The following PDE4D variants were observed in gnomAD, a reference collection of about 807,000 sequenced individuals.
PDE4D encodes 3',5'-cyclic-AMP phosphodiesterase 4D.
Under a neutral mutation model 87.4 loss-of-function variants are expected in PDE4D, and 24 were observed. That is an observed-to-expected ratio of 0.27 (90% confidence interval 0.20 to 0.39). The LOEUF is 0.39. PDE4D is among the 10% of genes least tolerant of loss of function. The probability of loss-of-function intolerance (pLI) is 1.00; values close to 1 mark genes in which losing one functional copy is unlikely to be tolerated. For synonymous variants in PDE4D, 384 were observed against 383.2 expected (o/e 1.00, Z -0.02); for missense variants, 714 against 1,041.0 (o/e 0.69, Z 4.32).
intron 1 of PDE4D, among the ~76,000 whole-genome samples, chr5:59,824,063 A>G (rs2898247): frequency 6.6e-6 from 1 of 150,780 alleles, no homozygotes; most frequent in African/African-American, 2.4e-5. Flanking sequence ...TCATTTTTTG[A>G]CTCTTCTTTC....
intron 1 of PDE4D, among the ~76,000 whole-genome samples, chr5:59,506,200 TA>T (rs1335026289): frequency 1.3e-5 from 2 of 152,010 alleles, no homozygotes; most frequent in Non-Finnish European, 2.9e-5. Context: ...ACAAGTAAGG[TA>T]AGTATTTTAA....
intron 3 of PDE4D, among the ~76,000 whole-genome samples, chr5:59,948,396 A>G (rs922691275): frequency 6.6e-6 from 1 of 152,218 alleles, no homozygotes; most frequent in African/African-American, 2.4e-5. Flanking sequence ...TTTTCTTCAT[A>G]CTGCAGAAAT....
intron 1 of PDE4D, among the ~76,000 whole-genome samples, chr5:59,630,216 A>G (rs1207925308): frequency 6.6e-6 from 1 of 152,228 alleles, no homozygotes; most frequent in Non-Finnish European, 1.5e-5. Context: ...AGTCTATTTT[A>G]TAGCTTACAT....
At chr5:59,540,242 CTCTT>C (rs1285922039) in intron 1 of PDE4D, among the ~76,000 whole-genome samples, 2 of 152,096 alleles carry the variant, frequency 1.3e-5, no homozygotes, top group Non-Finnish European at 2.9e-5. Context: ...TCCTCTTGCT[CTCTT>C]TCTTTCATTT....
At chr5:59,653,213 T>TTTTTG (rs752885033) in intron 1 of PDE4D, among the ~76,000 whole-genome samples, 2,368 of 147,906 alleles carry the variant, frequency 0.016, 69 homozygotes, top group African/African-American at 0.056. Flanking sequence ...AAAAAATTTT[T>TTTTTG]TTTTTTTTTT....
chr5:58,975,739 C>T lies in PDE4D; in HGVS notation c.1931G>A (p.Arg644His), dbSNP rs753680481. 69 of 1,613,074 alleles carry T rather than the reference C, an allele frequency of 4.3e-5. No individual in the cohort carries two copies. Among genetic ancestry groups the T allele is most frequent in the Non-Finnish European group, 5.3e-5 (62 of 1,179,460 alleles). ...WTDRIMEEFF[R>H]QGDRERERGM... Reference sequence around the variant, plus strand: ...ACGTTCCCTCTCTCGGTCTCCTTGGCGGAAGAACTCCTCCATTATCCGGTC... The same window carrying T: ...ACGTTCCCTCTCTCGGTCTCCTTGGTGGAAGAACTCCTCCATTATCCGGTC... The change falls in exon 14 of 15, where the codon CGC becomes CAC. Residue 644 changes from arginine (R) to histidine (H), a missense_variant. Physicochemically the swap from Arg to His is conservative, Grantham distance 29. This residue lies in a region of PDE4D where 97 missense variants were observed against 176.9 expected (regional missense o/e 0.55). Coordinates refer to ENST00000340635, the MANE Select transcript of PDE4D (RefSeq NM_001104631.2). This position sits in a 1 kb window ranked among gnomAD's most constrained non-coding sequence, Gnocchi z 4.2.
At chr5:59,039,062 C>A in intron 5 of PDE4D, 91 bp from the exon 6 acceptor site, 1 of 1,504,932 alleles carries the variant, frequency 6.6e-7, no homozygotes, top group Non-Finnish European at 8.9e-7. Context: ...CCATACCCCG[C>A]CATGCTCGGA....
At chr5:59,463,413 C>A (rs761499854) in intron 1 of PDE4D, among the ~76,000 whole-genome samples, 6 of 152,010 alleles carry the variant, frequency 3.9e-5, no homozygotes, top group African/African-American at 1.2e-4. Context: ...TTCTTACCAG[C>A]GAAAGAAAAT....
intron 1 of PDE4D, among the ~76,000 whole-genome samples, chr5:59,259,970 TA>T (rs1761694312): frequency 6.6e-6 from 1 of 151,880 alleles, no homozygotes; most frequent in African/African-American, 2.4e-5. Flanking sequence ...TCCATGAATT[TA>T]ACATTTTTTT....
intron 5 of PDE4D, among the ~76,000 whole-genome samples, chr5:59,064,721 A>G (rs1189680858): frequency 6.6e-6 from 1 of 152,156 alleles, no homozygotes; most frequent in African/African-American, 2.4e-5. Flanking sequence ...ATGTATTTAG[A>G]GTATCAGTAA....
At chr5:59,589,517 G>C (rs141074739) in intron 1 of PDE4D, among the ~76,000 whole-genome samples, 64 of 152,298 alleles carry the variant, frequency 4.2e-4, no homozygotes, top group Non-Finnish European at 7.8e-4. Flanking sequence ...TTATACAAGA[G>C]AGTAGGTCTC....
intron 5 of PDE4D, among the ~76,000 whole-genome samples, chr5:59,168,283 C>A (rs1782201267): frequency 6.6e-6 from 1 of 152,262 alleles, no homozygotes; most frequent in East Asian, 1.9e-4. Flanking sequence ...TTGGGGCCTG[C>A]CCTTTCAGGC....
chr5:59,079,179 G>A (rs550284050), intron 5 of PDE4D, among the ~76,000 whole-genome samples: 21 of 152,184 alleles, frequency 1.4e-4, no homozygotes, highest in African/African-American at 4.8e-4. Flanking sequence ...TTTCAAGAAA[G>A]ACAGCAAGAC....
At chr5:60,030,823 A>G (rs913374713) in intron 2 of PDE4D, 3 of 152,190 alleles carry the variant, frequency 2.0e-5, no homozygotes, top group Admixed American at 1.3e-4. Context: ...ACAGTGGCCT[A>G]TTAATTTTTG....
At chr5:60,263,281 A>G (rs1167473521) in intron 1 of PDE4D, among the ~76,000 whole-genome samples, 1 of 152,184 alleles carries the variant, frequency 6.6e-6, no homozygotes, top group Non-Finnish European at 1.5e-5. Flanking sequence ...GGAAACTAAG[A>G]CATTTTAAAA....
At chr5:59,821,857 C>T (rs1347301868) in intron 1 of PDE4D, among the ~76,000 whole-genome samples, 2 of 152,176 alleles carry the variant, frequency 1.3e-5, no homozygotes, top group African/African-American at 4.8e-5. Context: ...TAACCATAGG[C>T]TCTTACAAGC....
chr5:59,575,303 G>A (rs1249363796), intron 1 of PDE4D, among the ~76,000 whole-genome samples: 1 of 152,130 alleles, frequency 6.6e-6, no homozygotes, highest in Non-Finnish European at 1.5e-5. Context: ...AAACATCAAT[G>A]TTATAGATGC....
intron 1 of PDE4D, among the ~76,000 whole-genome samples, chr5:59,433,956 C>T (rs992765200): frequency 6.6e-6 from 1 of 151,928 alleles, no homozygotes; most frequent in African/African-American, 2.4e-5. Flanking sequence ...GTTCTTTCAG[C>T]CTTTAACTCT....
At chr5:59,807,179 C>T (rs1767832250) in intron 1 of PDE4D, among the ~76,000 whole-genome samples, 4 of 152,142 alleles carry the variant, frequency 2.6e-5, no homozygotes, top group African/African-American at 9.7e-5. Flanking sequence ...TTCAATACCC[C>T]TCTTAGACCA....
Sources: allele counts gnomAD v4.1 joint callset (sites outside exome capture counted in the v4.1 genomes callset), GRCh38; gene constraint gnomAD v4.1.1; regional missense constraint gnomAD v4.1.1; non-coding constraint Gnocchi (gnomAD v3.1); transcripts MANE v1.5; gene names NCBI Gene and HGNC (gene_info 2026-07-23, HGNC 2026-07-21).